Variants in UST observed in about 807,000 individuals in gnomAD.
UST encodes the protein uronyl 2-sulfotransferase, also known as chondroitin sulfate 2-O-sulfotransferase.
UST carries 21 observed loss-of-function variants against 45.6 expected under a neutral mutation model. That is an observed-to-expected ratio of 0.46 (90% CI 0.33 to 0.66). The LOEUF (loss-of-function observed/expected upper bound fraction) is 0.66. UST is among the 30% of genes least tolerant of loss of function. UST has a pLI of 0.02. For synonymous variants in UST, 215 were observed against 200.6 expected (o/e 1.07, Z -0.61); for missense variants, 463 against 512.4 (o/e 0.90, Z 0.93).
chr6:148,761,177 C>T (rs1413450100), intron 1 of UST, among the ~76,000 whole-genome samples: 1 of 152,220 alleles, frequency 6.6e-6, no homozygotes, highest in Non-Finnish European at 1.5e-5. Context: ...CTCCTCCAAG[C>T]ACGTGCGGCC....
At chr6:148,964,320 T>G in intron 4 of UST, 90 bp from the exon 5 acceptor site, 1 of 1,493,742 alleles carries the variant, frequency 6.7e-7, no homozygotes, top group Non-Finnish European at 9.2e-7. Context: ...TTTCAATAAG[T>G]TAACCTAGAG....
intron 1 of UST, among the ~76,000 whole-genome samples, chr6:148,862,582 C>A (rs1030616401): frequency 6.6e-6 from 1 of 152,206 alleles, no homozygotes; most frequent in African/African-American, 2.4e-5. Flanking sequence ...GATGCAGTTT[C>A]TTTCTAGCAT....
intron 1 of UST, among the ~76,000 whole-genome samples, chr6:148,829,759 T>C (rs896825322): frequency 6.6e-6 from 1 of 152,210 alleles, no homozygotes; most frequent in Non-Finnish European, 1.5e-5. Context: ...GTAGTCCTCT[T>C]CTTTCTAATA....
At chr6:148,832,246 C>T (rs1002259848) in intron 1 of UST, among the ~76,000 whole-genome samples, 2 of 152,142 alleles carry the variant, frequency 1.3e-5, no homozygotes, top group African/African-American at 4.8e-5. Context: ...CTGCCTCGGC[C>T]TCCCAAAAGA....
chr6:148,894,814 C>CT (rs760698349), intron 2 of UST, among the ~76,000 whole-genome samples: 951 of 93,664 alleles, frequency 0.01, 29 homozygotes, highest in South Asian at 0.014. Flanking sequence ...AATTTCAGTG[C>CT]TTTTTTTTTT....
chr6:149,046,372 T>C (rs1776396077), intron 7 of UST, among the ~76,000 whole-genome samples: 2 of 152,322 alleles, frequency 1.3e-5, no homozygotes, highest in South Asian at 4.1e-4. Flanking sequence ...TGGCTGATCT[T>C]TGGGTTCCTG....
At chr6:148,995,265 C>T (rs1290999562) in intron 5 of UST, among the ~76,000 whole-genome samples, 4 of 152,180 alleles carry the variant, frequency 2.6e-5, no homozygotes, top group South Asian at 2.1e-4. Context: ...TCAAGTGATC[C>T]GCCCGCCTCG....
intron 1 of UST, among the ~76,000 whole-genome samples, chr6:148,829,201 C>A (rs961308561): frequency 6.6e-6 from 1 of 151,430 alleles, no homozygotes; most frequent in Non-Finnish European, 1.5e-5. Context: ...ATTTTAGTGA[C>A]GTTTAAGATT....
intron 1 of UST, among the ~76,000 whole-genome samples, chr6:148,767,271 A>G (rs1331847643): frequency 1.3e-5 from 2 of 152,264 alleles, no homozygotes; most frequent in Admixed American, 6.5e-5. Context: ...CACCAGTTTG[A>G]TTGTTCCAAT....
rs1582784177 is a variant in UST at position 148,747,639 on chromosome 6, G to A, written c.209G>A (p.Gly70Glu). ...TCCCTCCTCTATCAGCTCAGCGGGG[G>A]ACCCCCTCGCTTCCTGCTCGACCTG... is the stretch of plus-strand genomic sequence containing the variant. The part of the protein sequence containing the change: ...LGSLLYQLSG[G>E]PPRFLLDLRQ... Residue 70 changes from glycine to glutamate, a missense_variant, in exon 1 of 8, where the codon GGA becomes GAA. Physicochemically the swap from Gly to Glu is moderately conservative, Grantham distance 98. Coordinates refer to ENST00000367463, the MANE Select transcript of UST (RefSeq NM_005715.3). 1.9e-6 allele frequency: 3 copies of A among 1,599,454 alleles called. No homozygotes were observed. Among genetic ancestry groups the A allele is most frequent in the Non-Finnish European group, 2.6e-6 (3 of 1,174,520 alleles).
At chr6:148,995,489 G>C (rs975143232) in intron 5 of UST, among the ~76,000 whole-genome samples, 3 of 152,196 alleles carry the variant, frequency 2.0e-5, no homozygotes, top group Non-Finnish European at 4.4e-5. Flanking sequence ...CTGTGTTCTA[G>C]TCGCATTACA....
chr6:148,781,607 A>G (rs1776645348), intron 1 of UST, among the ~76,000 whole-genome samples: 1 of 64,164 alleles, frequency 1.6e-5, no homozygotes, highest in Admixed American at 1.3e-4. Context: ...ACACTAAACA[A>G]CAGATTTTCA....
intron 1 of UST, among the ~76,000 whole-genome samples, chr6:148,796,588 C>G (rs1163979147): frequency 8.5e-4 from 115 of 134,920 alleles, no homozygotes; most frequent in African/African-American, 3.1e-3. Flanking sequence ...TGTGCCATTG[C>G]ACTCCAGCCT....
chr6:148,970,364 C>CGCCCT (rs1420264662), intron 5 of UST, among the ~76,000 whole-genome samples: 1 of 152,168 alleles, frequency 6.6e-6, no homozygotes, highest in African/African-American at 2.4e-5. Context: ...TTAGGGTGTC[C>CGCCCT]GCCCTCACAG....
chr6:148,943,885 C>G (rs757776741), intron 3 of UST, among the ~76,000 whole-genome samples: 1 of 152,116 alleles, frequency 6.6e-6, no homozygotes, highest in Non-Finnish European at 1.5e-5. Flanking sequence ...AATGTGAAAA[C>G]AAACATAATA....
chr6:148,936,573 C>CTTT (rs138494669), intron 2 of UST, among the ~76,000 whole-genome samples: 8 of 85,336 alleles, frequency 9.4e-5, no homozygotes, highest in Non-Finnish European at 1.5e-4. Context: ...AAAATCAGTC[C>CTTT]TTTTTTTTTT....
chr6:148,787,091 A>G (rs1037328094), intron 1 of UST, among the ~76,000 whole-genome samples: 1 of 152,100 alleles, frequency 6.6e-6, no homozygotes, highest in African/African-American at 2.4e-5. Flanking sequence ...TTCCTTATAG[A>G]TGCTGGATAT....
At chr6:149,026,225 C>T (rs1300041550) in intron 7 of UST, among the ~76,000 whole-genome samples, 3 of 151,352 alleles carry the variant, frequency 2.0e-5, no homozygotes, top group Non-Finnish European at 4.4e-5. Context: ...GTGGGAGGAT[C>T]ACCTGAGCCT....
intron 3 of UST, among the ~76,000 whole-genome samples, chr6:148,949,498 T>C (rs936291776): frequency 2.6e-5 from 4 of 151,768 alleles, no homozygotes; most frequent in African/African-American, 7.3e-5. Context: ...AGCACCTTGG[T>C]GCACTCAGAA....
Sources: allele counts gnomAD v4.1 joint callset (sites outside exome capture counted in the v4.1 genomes callset), GRCh38; gene constraint gnomAD v4.1.1; transcripts MANE v1.5; gene names NCBI Gene and HGNC (gene_info 2026-07-23, HGNC 2026-07-21).